TMOD1: variants seen among roughly 807,000 people sequenced by gnomAD.
The protein encoded by TMOD1 is tropomodulin 1.
A neutral mutation model predicts 40.6 loss-of-function variants in TMOD1; 17 were observed. The ratio of observed to expected loss-of-function variants is 0.42; its 90% CI spans 0.29 to 0.63. TMOD1 has a LOEUF of 0.63. Ranked by LOEUF, TMOD1 falls within the 20% of genes least tolerant of loss-of-function variation. TMOD1 has a pLI of 0.22. For synonymous variants in TMOD1, 181 were observed against 175.0 expected (o/e 1.03, Z -0.27); for missense variants, 391 against 447.6 (o/e 0.87, Z 1.14).
intron 8 of TMOD1, among the ~76,000 whole-genome samples, chr9:97,570,523 CTTTT>C (rs1022315656): frequency 6.8e-6 from 1 of 147,190 alleles, no homozygotes; most frequent in African/African-American, 2.5e-5. Context: ...TGCATCAGGG[CTTTT>C]TTTTTTTCTT....
chr9:97,539,688 C>T (rs144736882), intron 2 of TMOD1, among the ~76,000 whole-genome samples: 215 of 152,204 alleles, frequency 1.4e-3, no homozygotes, highest in African/African-American at 5.0e-3. Context: ...CCATTCAGCC[C>T]GGGTGAGGTG....
intron 5 of TMOD1, 96 bp downstream of exon 5, chr9:97,562,917 T>G: frequency 1.0e-6 from 1 of 963,594 alleles, no homozygotes; most frequent in Non-Finnish European, 1.6e-6. Context: ...TAACATGTTA[T>G]ATAGCCAAAT....
At chr9:97,503,311 T>C (rs770441287) in intron 1 of TMOD1, among the ~76,000 whole-genome samples, 6 of 152,210 alleles carry the variant, frequency 3.9e-5, no homozygotes, top group Admixed American at 2.0e-4. Context: ...TCTTCTTGAA[T>C]CTGCTGCTGT....
intron 9 of TMOD1, among the ~76,000 whole-genome samples, chr9:97,592,374 G>T (rs1826020340): frequency 6.6e-6 from 1 of 151,712 alleles, no homozygotes. Flanking sequence ...ACAGCAGGAA[G>T]CCAAGCCAAG....
chr9:97,594,645 C>A (rs541929883), intron 9 of TMOD1, among the ~76,000 whole-genome samples: 1 of 152,224 alleles, frequency 6.6e-6, no homozygotes, highest in Non-Finnish European at 1.5e-5. Flanking sequence ...CAGCGACTGG[C>A]TCTGCAGACA....
intron 3 of TMOD1, among the ~76,000 whole-genome samples, chr9:97,551,014 ATTTTTTTTTTTTT>A (rs55700746): frequency 0.038 from 3,981 of 104,118 alleles, 137 homozygotes; most frequent in East Asian, 0.11. Flanking sequence ...ATATATATAT[ATTTTTTTTTTTTT>A]TTTTTTTTTT....
chr9:97,565,375 C>A (rs1281840897), intron 6 of TMOD1, among the ~76,000 whole-genome samples: 1 of 152,154 alleles, frequency 6.6e-6, no homozygotes, highest in East Asian at 1.9e-4. Context: ...GCCGCTGGAG[C>A]AGAGACCCCC....
At chr9:97,532,931 G>A (rs752503929) in intron 2 of TMOD1, among the ~76,000 whole-genome samples, 39 of 152,196 alleles carry the variant, frequency 2.6e-4, no homozygotes, top group Admixed American at 3.9e-4. Context: ...GTAACTGACC[G>A]TGGCCTCTGT....
intron 1 of TMOD1, among the ~76,000 whole-genome samples, chr9:97,522,075 C>T (rs773986668): frequency 3.9e-5 from 6 of 152,180 alleles, no homozygotes; most frequent in South Asian, 2.1e-4. Flanking sequence ...GGTCTAAATA[C>T]GTACGTTGCT....
At chr9:97,542,849 CAA>C (rs35096378) in intron 2 of TMOD1, among the ~76,000 whole-genome samples, 82 of 99,946 alleles carry the variant, frequency 8.2e-4, no homozygotes, top group African/African-American at 1.0e-3. Flanking sequence ...GACTCCATCT[CAA>C]AAAAAAAAAA....
At chr9:97,518,366 G>A (rs1297240877) in intron 1 of TMOD1, among the ~76,000 whole-genome samples, 2 of 152,220 alleles carry the variant, frequency 1.3e-5, no homozygotes, top group African/African-American at 4.8e-5. Flanking sequence ...TCCTCAGAGC[G>A]AGCCAGCCCT....
At chr9:97,580,123 G>C (rs981691575) in intron 8 of TMOD1, among the ~76,000 whole-genome samples, 2 of 152,174 alleles carry the variant, frequency 1.3e-5, no homozygotes, top group Admixed American at 6.5e-5. Flanking sequence ...GTGAGGGAAT[G>C]AGCTGAGATC....
intron 1 of TMOD1, among the ~76,000 whole-genome samples, chr9:97,523,870 A>G (rs1249801375): frequency 6.6e-6 from 1 of 152,256 alleles, no homozygotes; most frequent in Non-Finnish European, 1.5e-5. Flanking sequence ...TCAGGCACTC[A>G]TAAGCCATTT....
In TMOD1 at chr9:97,600,735, C is replaced by A. The variant is rs920532877; in HGVS notation, c.*1037C>A. 23 of 1,007,242 alleles carry A rather than the reference C, an allele frequency of 2.3e-5. No individual in the cohort carries two copies. Among genetic ancestry groups the A allele is most frequent in the Non-Finnish European group, 2.6e-5 (22 of 843,194 alleles). 62.4% of individuals were successfully genotyped at this position (1,007,242 alleles called of 1,614,324 possible). ...ACAATGGTGAAGAAACTCCAGATAT[C>A]AAGGAATTGGGAAATCCTGGCCAAA... On this transcript the variant is annotated 3_prime_UTR_variant, in exon 10 of 10. Coordinates refer to ENST00000259365, the MANE Select transcript of TMOD1 (RefSeq NM_003275.4).
At chr9:97,532,011 C>T (rs1208252061) in intron 2 of TMOD1, among the ~76,000 whole-genome samples, 1 of 152,160 alleles carries the variant, frequency 6.6e-6, no homozygotes, top group African/African-American at 2.4e-5. Context: ...ATAAAATCCT[C>T]CCTACTTGTG....
At chr9:97,542,849 CAAAA>C (rs35096378) in intron 2 of TMOD1, among the ~76,000 whole-genome samples, 2 of 100,000 alleles carry the variant, frequency 2.0e-5, no homozygotes, top group Admixed American at 1.1e-4. Context: ...GACTCCATCT[CAAAA>C]AAAAAAAAAA....
At position 97,546,286 on chromosome 9, in the gene TMOD1, A is replaced by G. The variant is rs776945774; in HGVS notation, c.222A>G (p.Gln74=). Residue 74 remains glutamine, a synonymous_variant, in exon 3 of 10, where the codon CAA becomes CAG. Coordinates refer to ENST00000259365, the MANE Select transcript of TMOD1 (RefSeq NM_003275.4). ...REELLDHLEK[Q]AKEFKDREDL... is the part of the protein sequence containing the mutation. ...AGCTCTTGGATCACTTGGAAAAGCA[A>G]GCAAAGGAGTTTAAGGACCGAGAAG... 3.7e-6 allele frequency: 6 copies of G among 1,614,144 alleles called. No individual in the cohort carries two copies. In the Admixed American group the frequency reaches 1.0e-4, roughly 27 times the overall value.
intron 9 of TMOD1, among the ~76,000 whole-genome samples, chr9:97,598,980 C>A (rs1023540333): frequency 3.9e-5 from 6 of 152,300 alleles, no homozygotes; most frequent in Non-Finnish European, 7.4e-5. Context: ...TCCCTTGTTA[C>A]AACAAACAGA....
At chr9:97,518,676 C>T (rs1829865974) in intron 1 of TMOD1, among the ~76,000 whole-genome samples, 2 of 152,188 alleles carry the variant, frequency 1.3e-5, no homozygotes, top group Admixed American at 1.3e-4. Context: ...TGAAGCATGG[C>T]TGCCCTGAGA....
Sources: allele counts gnomAD v4.1 joint callset (sites outside exome capture counted in the v4.1 genomes callset), GRCh38; gene constraint gnomAD v4.1.1; transcripts MANE v1.5; gene names NCBI Gene and HGNC (gene_info 2026-07-23, HGNC 2026-07-21).